Variants in TRIM26 observed in about 807,000 individuals in gnomAD.
The protein encoded by TRIM26 is tripartite motif-containing protein 26.
In TRIM26, 16 loss-of-function variants were observed where a neutral mutation model predicts 45.5. That is an observed-to-expected ratio of 0.35 (90% confidence interval 0.24 to 0.53). The LOEUF is 0.53. Among genes scored for constraint, TRIM26 ranks in the 20% least tolerant of loss-of-function variants. The probability of loss-of-function intolerance (pLI) is 0.92; values close to 1 mark genes in which losing one functional copy is unlikely to be tolerated. For synonymous variants in TRIM26, 273 were observed against 290.4 expected, an observed-to-expected ratio of 0.94 and a Z score of 0.61; for missense variants, 442 against 691.1, an observed-to-expected ratio of 0.64 and a Z score of 4.04.
chr6:30,209,523 G>A lies in TRIM26; in HGVS notation c.-376+3782C>T, dbSNP rs1386704405. 6.6e-6 allele frequency among the ~76,000 whole-genome samples: 1 copy of A among 152,160 alleles called. No individual in the cohort carries two copies. The highest frequency in any genetic ancestry group is 1.5e-5 in the Non-Finnish European group (1 of 68,024). ...AAGAGTCCATTGGCCAGAACCGTGA[G>A]CTGAATAAACATCTGTTGTTTACAA... is the stretch of plus-strand genomic sequence containing the variant. On this transcript the variant is annotated intron_variant, in intron 1 of 9. Coordinates refer to ENST00000454678, the MANE Select transcript of TRIM26 (RefSeq NM_003449.5). The surrounding 1 kb of genome is among the most constrained non-coding windows in gnomAD (Gnocchi z 4.8).
At chr6:30,194,736 T>C (rs989595753) in intron 6 of TRIM26, among the ~76,000 whole-genome samples, 2 of 152,090 alleles carry the variant, frequency 1.3e-5, no homozygotes, top group Non-Finnish European at 2.9e-5. Context: ...GCGCCTGTAA[T>C]CCCAGCTATT....
At position 30,198,032 on chromosome 6, in the gene TRIM26, C is replaced by T. The variant is rs765667740; in HGVS notation, c.534+397G>A. On this transcript the variant is annotated intron_variant, in intron 5 of 9. Coordinates refer to ENST00000454678, the MANE Select transcript of TRIM26 (RefSeq NM_003449.5). This position sits in a 1 kb window ranked among gnomAD's most constrained non-coding sequence, Gnocchi z 6.3. ...CTCAGTTCTTACCCTGGAGCCAGCTCCCTCCTTCTAAACCCTCTCCACTCT... is the reference window on the plus strand; with the variant it reads ...CTCAGTTCTTACCCTGGAGCCAGCTTCCTCCTTCTAAACCCTCTCCACTCT... Among the ~76,000 whole-genome samples, 1 of 152,172 alleles carries T rather than the reference C, an allele frequency of 6.6e-6. No homozygotes were observed. Among genetic ancestry groups the T allele is most frequent in the Non-Finnish European group, 1.5e-5 (1 of 68,034 alleles).
At chr6:30,201,577 G>A (rs1022430460) in intron 2 of TRIM26, among the ~76,000 whole-genome samples, 3 of 152,078 alleles carry the variant, frequency 2.0e-5, no homozygotes, top group African/African-American at 7.2e-5. Context: ...CGGGCACGGT[G>A]GCTCACACCT....
chr6:30,201,406 C>T (rs964030475), intron 2 of TRIM26, among the ~76,000 whole-genome samples: 1 of 152,040 alleles, frequency 6.6e-6, no homozygotes, highest in Non-Finnish European at 1.5e-5. Flanking sequence ...CAACTGGAAG[C>T]ACTAATGGAT....
At chr6:30,197,073 G>A (rs1445856461) in intron 5 of TRIM26, among the ~76,000 whole-genome samples, 1 of 152,136 alleles carries the variant, frequency 6.6e-6, no homozygotes, top group East Asian at 1.9e-4. Flanking sequence ...ATGAGCCGAC[G>A]CACTTTTCCC....
In TRIM26 at chr6:30,207,140, G is replaced by C. The variant is rs1777809327; in HGVS notation, c.-375-2375C>G. Among the ~76,000 whole-genome samples, 1 of 152,232 alleles carries C rather than the reference G, an allele frequency of 6.6e-6. No individual in the cohort carries two copies. Among genetic ancestry groups the C allele is most frequent in the Non-Finnish European group, 1.5e-5 (1 of 68,040 alleles). On this transcript the variant is annotated intron_variant, in intron 1 of 9. Coordinates refer to ENST00000454678, the MANE Select transcript of TRIM26 (RefSeq NM_003449.5). The surrounding 1 kb of genome is among the most constrained non-coding windows in gnomAD (Gnocchi z 4.9). The stretch of plus-strand genomic sequence containing the variant: ...CAGGTGGAGTGCAGTGAGGCGAGCA[G>C]AGGAAGGGTGGAGAAACAGGAGGGA...
At chr6:30,193,859 T>A (rs1046903467) in intron 6 of TRIM26, among the ~76,000 whole-genome samples, 1 of 152,220 alleles carries the variant, frequency 6.6e-6, no homozygotes, top group African/African-American at 2.4e-5. Context: ...GCTTTCTTGA[T>A]GTCTTTTTTA....
In TRIM26 at chr6:30,209,374, T is replaced by TCC. The variant is rs1411915270; in HGVS notation, c.-376+3929_-376+3930dup. On this transcript the variant is annotated intron_variant, in intron 1 of 9. Coordinates refer to ENST00000454678, the MANE Select transcript of TRIM26 (RefSeq NM_003449.5). The surrounding 1 kb of genome is among the most constrained non-coding windows in gnomAD (Gnocchi z 4.8). ...TTGGTGGTGCTGTGGTTTGAACATG[T>TCC]CCCCCAAAAGTTCACGTGTTGGAAA... 1.3e-5 allele frequency among the ~76,000 whole-genome samples: 2 copies of TCC among 152,078 alleles called. No homozygotes were observed.
chr6:30,199,167 C>T lies in TRIM26; in HGVS notation c.-64G>A. 6.7e-7 allele frequency: 1 copy of T among 1,487,048 alleles called. No individual in the cohort carries two copies. The highest frequency in any genetic ancestry group is 9.0e-7 in the Non-Finnish European group (1 of 1,111,836). 92.1% of individuals were successfully genotyped at this position (1,487,048 alleles called of 1,614,324 possible). A position where few individuals can be genotyped will look rare whatever the true frequency, so the allele number is the denominator to read the frequency against. On this transcript the variant is annotated 5_prime_UTR_variant, in exon 4 of 10. The change abolishes an upstream ATG in the 5' untranslated region. Coordinates refer to ENST00000454678, the MANE Select transcript of TRIM26 (RefSeq NM_003449.5). ...GGACTTCTTCTCCTTGGAGACGCGA[C>T]ATAGAGTCAGGAGCAAGCACAGTAA...
At position 30,186,762 on chromosome 6, in the gene TRIM26, T is replaced by A; in HGVS notation, c.938-204A>T. ...TTCTGCTAAATCACCATAACTAAACTGCTTTATAAACATGATATACTGAAA... is the reference window on the plus strand; with the variant it reads ...TTCTGCTAAATCACCATAACTAAACAGCTTTATAAACATGATATACTGAAA... On this transcript the variant is annotated intron_variant, in intron 9 of 9. Transcript: ENST00000454678. This position sits in a 1 kb window ranked among gnomAD's most constrained non-coding sequence, Gnocchi z 7.4. 9.9e-7 allele frequency: 1 copy of A among 1,009,176 alleles called. No individual in the cohort carries two copies. 62.5% of individuals were successfully genotyped at this position (1,009,176 alleles called of 1,614,324 possible).
Position 30,198,277 on chromosome 6 carries a change from G to A in TRIM26, c.534+152C>T. 2 of 780,760 alleles carry A rather than the reference G, an allele frequency of 2.6e-6. No homozygotes were observed. Among genetic ancestry groups the A allele is most frequent in the South Asian group, 1.7e-5 (1 of 59,254 alleles). 48.4% of individuals were successfully genotyped at this position (780,760 alleles called of 1,614,324 possible). The stretch of plus-strand genomic sequence containing the variant: ...CACGGCTCAGAAAGACAGCACTTGG[G>A]CTAAAACCCAGGTCTGCTACTGCCA... On this transcript the variant is annotated intron_variant, in intron 5 of 9. Transcript: ENST00000454678. This position sits in a 1 kb window ranked among gnomAD's most constrained non-coding sequence, Gnocchi z 6.3.
intron 6 of TRIM26, among the ~76,000 whole-genome samples, chr6:30,192,015 G>GT (rs1775895801): frequency 6.6e-6 from 1 of 152,208 alleles, no homozygotes; most frequent in African/African-American, 2.4e-5. Context: ...TCCTCTAAAG[G>GT]TTAAAGGTTG....
In TRIM26 at chr6:30,189,518, C is replaced by A. The variant is rs1200885159; in HGVS notation, c.804G>T (p.Lys268Asn). ...RDFLNRYPRKKFWVGKPIARV... is the reference protein window; with the variant it reads ...RDFLNRYPRKNFWVGKPIARV... ...GAGCAATGGGTTTCCCAACCCAGAA[C>A]TTCTTCCGTGGATACCTAAGAAGAT... The change falls in exon 8 of 10, where the codon AAG becomes AAT. Residue 268 changes from lysine to asparagine, a missense_variant. Lys to Asn is a moderately conservative substitution (Grantham distance 94, BLOSUM62 0). Transcript: ENST00000454678. The surrounding 1 kb of genome is among the most constrained non-coding windows in gnomAD (Gnocchi z 5.0). The A allele has an allele frequency of 6.2e-7, 1 of 1,613,028 alleles. No homozygotes were observed. The highest frequency in any genetic ancestry group is 1.7e-5 in the Admixed American group (1 of 60,038).
At chr6:30,210,583 T>C (rs961621313) in intron 1 of TRIM26, among the ~76,000 whole-genome samples, 1 of 152,196 alleles carries the variant, frequency 6.6e-6, no homozygotes, top group African/African-American at 2.4e-5. Flanking sequence ...GATACATTCA[T>C]ACAGGAGTCC....
At chr6:30,211,776 T>C (rs1458918003) in intron 1 of TRIM26, among the ~76,000 whole-genome samples, 1 of 152,210 alleles carries the variant, frequency 6.6e-6, no homozygotes, top group East Asian at 1.9e-4. Context: ...TTAAGTAGTA[T>C]TGGATTATAA....
intron 1 of TRIM26, 132 bp downstream of exon 1, chr6:30,213,173 C>A (rs971082769): frequency 6.6e-6 from 1 of 152,526 alleles, no homozygotes; most frequent in African/African-American, 2.4e-5. Context: ...GAACTTGACC[C>A]CCTCCTGAGC....
chr6:30,188,607 C>A, intron 9 of TRIM26: 1 of 229,112 alleles, frequency 4.4e-6, no homozygotes, highest in South Asian at 8.1e-5. Context: ...TCGTTTGCTC[C>A]CAGACAGGCC....
Position 30,185,757 on chromosome 6 carries a change from G to T in TRIM26, c.*119C>A. 8.7e-7 allele frequency: 1 copy of T among 1,149,172 alleles called. No individual in the cohort carries two copies. Among genetic ancestry groups the T allele is most frequent in the Non-Finnish European group, 1.2e-6 (1 of 818,628 alleles). The allele number at this position is 1,149,172 out of a possible 1,614,324, so 71.2% of individuals were successfully genotyped here. A position where few individuals can be genotyped will look rare whatever the true frequency, so the allele number is the denominator to read the frequency against. On this transcript the variant is annotated 3_prime_UTR_variant, in exon 10 of 10. Coordinates refer to ENST00000454678, the MANE Select transcript of TRIM26 (RefSeq NM_003449.5). This position sits in a 1 kb window ranked among gnomAD's most constrained non-coding sequence, Gnocchi z 5.7. ...CAGCAATGGGGAGGTGGCTACCAGT[G>T]GATATGGGGTCCCCTGCTCCAGGTG... is the stretch of plus-strand genomic sequence containing the variant.
Position 30,190,396 on chromosome 6 carries a change from T to C in TRIM26, c.766-361A>G, listed in dbSNP as rs1377804707. The stretch of plus-strand genomic sequence containing the variant: ...ACTGCGCAGGGCTGGATATGCATGG[T>C]AAGGAGTTTCACTTTTGCTCCACGT... On this transcript the variant is annotated intron_variant, in intron 6 of 9. Coordinates refer to ENST00000454678, the MANE Select transcript of TRIM26 (RefSeq NM_003449.5). The surrounding 1 kb of genome is among the most constrained non-coding windows in gnomAD (Gnocchi z 4.3). 1 of 336,720 alleles carries C rather than the reference T, an allele frequency of 3.0e-6. No individual in the cohort carries two copies. Among genetic ancestry groups the C allele is most frequent in the Non-Finnish European group, 5.6e-6 (1 of 178,026 alleles). 20.9% of individuals were successfully genotyped at this position (336,720 alleles called of 1,614,324 possible).
Sources: allele counts gnomAD v4.1 joint callset (sites outside exome capture counted in the v4.1 genomes callset), GRCh38; gene constraint gnomAD v4.1.1; non-coding constraint Gnocchi (gnomAD v3.1); transcripts MANE v1.5; gene names NCBI Gene and HGNC (gene_info 2026-07-23, HGNC 2026-07-21).